Variants in CAPN9 observed in about 807,000 individuals in gnomAD.
The protein encoded by CAPN9 is calpain-9.
In CAPN9, 81 loss-of-function variants were observed where a neutral mutation model predicts 92.8. The observed-to-expected ratio is 0.87, with a 90% CI of 0.73 to 1.05. The LOEUF is 1.05. Among genes scored for constraint, CAPN9 ranks in the 50% least tolerant of loss-of-function variants. CAPN9 has a pLI of 0.00. For missense variants in CAPN9, 848 were observed against 866.2 expected, an observed-to-expected ratio of 0.98 and a Z score of 0.26; for synonymous variants, 304 against 328.0, an observed-to-expected ratio of 0.93 and a Z score of 0.79.
At chr1:230,751,311 C>A (rs1371865945) in intron 1 of CAPN9, among the ~76,000 whole-genome samples, 1 of 152,052 alleles carries the variant, frequency 6.6e-6, no homozygotes, top group Non-Finnish European at 1.5e-5. Flanking sequence ...TGACAGGGAT[C>A]GGCACATAGC....
At chr1:230,781,943 AC>A (rs1429000889) in intron 11 of CAPN9, among the ~76,000 whole-genome samples, 2 of 152,218 alleles carry the variant, frequency 1.3e-5, no homozygotes, top group Non-Finnish European at 2.9e-5. Context: ...TAAACACTCT[AC>A]CAGAGAATTT....
At chr1:230,750,209 G>A (rs957677791) in intron 1 of CAPN9, among the ~76,000 whole-genome samples, 4 of 152,072 alleles carry the variant, frequency 2.6e-5, no homozygotes, top group South Asian at 2.1e-4. Flanking sequence ...GATGCACCCC[G>A]ACCTGCCACC....
In CAPN9 at chr1:230,798,650, C is replaced by G. The variant is rs1230415557; in HGVS notation, c.2046+430C>G. Among the ~76,000 whole-genome samples the G allele has an allele frequency of 4.6e-5, 7 of 152,160 alleles. No individual in the cohort carries two copies. In the East Asian group the frequency reaches 1.3e-3, roughly 29 times the overall value. Reference sequence around the variant, plus strand: ...CAGACTCCAATAAGTACAAAACTGGCCAGTTACCGGGGCCATTGTAGCAAT... The same window carrying G: ...CAGACTCCAATAAGTACAAAACTGGGCAGTTACCGGGGCCATTGTAGCAAT... On this transcript the variant is annotated intron_variant, in intron 19 of 19. Coordinates refer to ENST00000271971, the MANE Select transcript of CAPN9 (RefSeq NM_006615.3).
At chr1:230,756,879 C>T (rs1438384433) in intron 2 of CAPN9, among the ~76,000 whole-genome samples, 1 of 151,750 alleles carries the variant, frequency 6.6e-6, no homozygotes, top group Non-Finnish European at 1.5e-5. Flanking sequence ...GAAGTTGAGG[C>T]TGCAGTGAGC....
chr1:230,774,508 T>G, intron 7 of CAPN9, 46 bp from the exon 8 acceptor site: 1 of 1,272,114 alleles, frequency 7.9e-7, no homozygotes, highest in Non-Finnish European at 1.2e-6. Flanking sequence ...CCATTGTTGC[T>G]CTTCATCATG....
Position 230,772,109 on chromosome 1 carries a change from C to T in CAPN9, c.875+10C>T, listed in dbSNP as rs1469475531. ...GGTCGTGGAGCGACAGGTCAGTCAC[C>T]CTATCCTGCCTCTCTGGCTGGTTCC... On this transcript the variant is annotated intron_variant, in intron 7 of 19. Transcript: ENST00000271971. 9 of 1,612,302 alleles carry T rather than the reference C, an allele frequency of 5.6e-6. No individual in the cohort carries two copies. Among genetic ancestry groups the T allele is most frequent in the Non-Finnish European group, 6.8e-6 (8 of 1,178,566 alleles).
chr1:230,767,826 C>A, intron 5 of CAPN9, 117 bp downstream of exon 5: 2 of 933,898 alleles, frequency 2.1e-6, no homozygotes, highest in Non-Finnish European at 3.2e-6. Context: ...GGGCATAACT[C>A]TTGGGGGCAG....
At chr1:230,779,188 A>C in intron 9 of CAPN9, 55 bp downstream of exon 9, 6 of 1,535,112 alleles carry the variant, frequency 3.9e-6, no homozygotes, top group Non-Finnish European at 5.4e-6. Context: ...CTTCCAACTC[A>C]GGACACCAAA....
chr1:230,798,112 G>A (rs1668465097), intron 18 of CAPN9, 50 bp from the exon 19 acceptor site: 1 of 1,391,414 alleles, frequency 7.2e-7, no homozygotes, highest in African/African-American at 1.4e-5. Flanking sequence ...AACAAACTTG[G>A]TAAAGGAATT....
At chr1:230,774,475 A>G (rs1666605065) in intron 7 of CAPN9, 79 bp from the exon 8 acceptor site, 1 of 943,268 alleles carries the variant, frequency 1.1e-6, no homozygotes, top group African/African-American at 1.6e-5. Flanking sequence ...CCATAACCGC[A>G]CACTGTGGGT....
chr1:230,801,220 G>C (rs890933901), intron 19 of CAPN9, among the ~76,000 whole-genome samples: 2 of 152,100 alleles, frequency 1.3e-5, no homozygotes, highest in Non-Finnish European at 2.9e-5. Context: ...AAAGGTGAGA[G>C]GACCCCTCAT....
At chr1:230,748,464 G>T (rs1223754254) in intron 1 of CAPN9, among the ~76,000 whole-genome samples, 1 of 152,170 alleles carries the variant, frequency 6.6e-6, no homozygotes, top group Non-Finnish European at 1.5e-5. Flanking sequence ...TTGCTTTTGG[G>T]CAAGGAGGGG....
At chr1:230,786,325 A>G (rs1056712378) in intron 12 of CAPN9, 1 of 225,248 alleles carries the variant, frequency 4.4e-6, no homozygotes, top group African/African-American at 2.3e-5. Context: ...AAGAAAAGCT[A>G]TTTATTTAGG....
At chr1:230,786,885 A>G (rs1275994671) in intron 12 of CAPN9, among the ~76,000 whole-genome samples, 1 of 152,148 alleles carries the variant, frequency 6.6e-6, no homozygotes, top group African/African-American at 2.4e-5. Context: ...AAGGGGTGAC[A>G]TGGGGGTGGC....
intron 19 of CAPN9, 58 bp from the exon 20 acceptor site, chr1:230,801,512 G>A: frequency 1.9e-6 from 3 of 1,575,126 alleles, no homozygotes; most frequent in Non-Finnish European, 2.6e-6. Context: ...TCCTGAGGCT[G>A]AGGCTGGAAG....
intron 8 of CAPN9, among the ~76,000 whole-genome samples, chr1:230,777,685 A>T (rs1180645248): frequency 6.7e-6 from 1 of 149,270 alleles, no homozygotes; most frequent in African/African-American, 2.5e-5. Context: ...CCACCACCCC[A>T]CTAACCCTGA....
At chr1:230,749,083 T>C (rs972554779) in intron 1 of CAPN9, among the ~76,000 whole-genome samples, 1 of 152,234 alleles carries the variant, frequency 6.6e-6, no homozygotes, top group African/African-American at 2.4e-5. Flanking sequence ...ACAGGTGCTT[T>C]GATCTTCACC....
At chr1:230,777,508 A>C (rs1361002195) in intron 8 of CAPN9, among the ~76,000 whole-genome samples, 2 of 151,570 alleles carry the variant, frequency 1.3e-5, no homozygotes, top group Non-Finnish European at 2.9e-5. Context: ...CTTCTGAATC[A>C]TTCCCCTTAG....
chr1:230,778,842 G>T, intron 8 of CAPN9, 131 bp from the exon 9 acceptor site: 2 of 770,966 alleles, frequency 2.6e-6, no homozygotes, highest in South Asian at 2.1e-5. Context: ...CCCACACTTT[G>T]CAGTCCCCCC....
Sources: allele counts gnomAD v4.1 joint callset (sites outside exome capture counted in the v4.1 genomes callset), GRCh38; gene constraint gnomAD v4.1.1; transcripts MANE v1.5; gene names NCBI Gene and HGNC (gene_info 2026-07-23, HGNC 2026-07-21).